INPP4B: variants seen among roughly 807,000 people sequenced by gnomAD.
INPP4B encodes inositol polyphosphate 4-phosphatase type II.
INPP4B carries 55 observed loss-of-function variants against 122.5 expected under a neutral mutation model. The observed-to-expected ratio is 0.45, with a 90% CI of 0.36 to 0.56. INPP4B has a LOEUF of 0.56. INPP4B is among the 20% of genes least tolerant of loss of function. INPP4B has a pLI of 0.00. For synonymous variants in INPP4B, 403 were observed against 388.7 expected (o/e 1.04, Z -0.43); for missense variants, 1,000 against 1,097.7 (o/e 0.91, Z 1.26).
At chr4:142,337,370 C>A (rs1266937428) in intron 7 of INPP4B, among the ~76,000 whole-genome samples, 1 of 151,916 alleles carries the variant, frequency 6.6e-6, no homozygotes, top group Non-Finnish European at 1.5e-5. Context: ...ACATCTATAA[C>A]TGGGCTGGAA....
chr4:142,576,002 G>A (rs986231052), intron 2 of INPP4B, among the ~76,000 whole-genome samples: 3 of 151,956 alleles, frequency 2.0e-5, no homozygotes, highest in Non-Finnish European at 2.9e-5. Context: ...AATACACCAC[G>A]TTGTAGAGTC....
At chr4:142,352,846 G>A (rs2151825835) in intron 7 of INPP4B, among the ~76,000 whole-genome samples, 1 of 151,996 alleles carries the variant, frequency 6.6e-6, no homozygotes, top group Non-Finnish European at 1.5e-5. Flanking sequence ...TGTGTAGGAG[G>A]CAATATCCTA....
At chr4:142,783,084 C>T (rs1297188137) in intron 1 of INPP4B, among the ~76,000 whole-genome samples, 4 of 151,822 alleles carry the variant, frequency 2.6e-5, no homozygotes, top group Non-Finnish European at 5.9e-5. Flanking sequence ...TAGGCATTAC[C>T]ATTCAGGACA....
intron 1 of INPP4B, among the ~76,000 whole-genome samples, chr4:142,740,951 C>A (rs1767808768): frequency 1.3e-5 from 2 of 151,796 alleles, no homozygotes; most frequent in African/African-American, 4.8e-5. Context: ...TTAAATAAAC[C>A]AATAATAAGT....
intron 7 of INPP4B, among the ~76,000 whole-genome samples, chr4:142,392,828 T>C (rs1191515376): frequency 6.6e-6 from 1 of 152,256 alleles, no homozygotes. Flanking sequence ...TTGGGTATTA[T>C]AGCAATTCAG....
At chr4:142,765,793 A>G (rs1407564556) in intron 1 of INPP4B, 2 of 151,768 alleles carry the variant, frequency 1.3e-5, no homozygotes, top group Admixed American at 6.6e-5. Flanking sequence ...CTTATAAGCT[A>G]TAATCCAGCT....
At chr4:142,361,311 A>T (rs923118224) in intron 7 of INPP4B, among the ~76,000 whole-genome samples, 1 of 151,980 alleles carries the variant, frequency 6.6e-6, no homozygotes, top group Admixed American at 6.6e-5. Flanking sequence ...CCCTACTTAT[A>T]TCCCTAATCT....
intron 2 of INPP4B, among the ~76,000 whole-genome samples, chr4:142,597,471 G>A (rs745981123): frequency 7.2e-5 from 11 of 152,200 alleles, no homozygotes; most frequent in Non-Finnish European, 1.2e-4. Context: ...CCTTAGATGA[G>A]TGAAGCCTAC....
intron 1 of INPP4B, among the ~76,000 whole-genome samples, chr4:142,809,021 G>A (rs1346095440): frequency 6.6e-6 from 1 of 151,968 alleles, no homozygotes; most frequent in African/African-American, 2.4e-5. Flanking sequence ...TTGTATATAA[G>A]TCATTAAAAA....
chr4:142,608,196 A>G (rs1371659174), intron 2 of INPP4B, among the ~76,000 whole-genome samples: 4 of 152,166 alleles, frequency 2.6e-5, no homozygotes, highest in Non-Finnish European at 5.9e-5. Context: ...GATTTCCTAA[A>G]AATGAAGGCA....
intron 2 of INPP4B, among the ~76,000 whole-genome samples, chr4:142,522,629 G>A (rs962932431): frequency 6.6e-6 from 1 of 152,012 alleles, no homozygotes; most frequent in African/African-American, 2.4e-5. Context: ...AAGGGAGACG[G>A]TTTACTATAT....
chr4:142,789,577 G>A (rs1776245153), intron 1 of INPP4B, among the ~76,000 whole-genome samples: 1 of 152,052 alleles, frequency 6.6e-6, no homozygotes, highest in Non-Finnish European at 1.5e-5. Context: ...ACTGCTGAAA[G>A]AAATCATAGA....
chr4:142,121,148 C>A (rs1796385191), intron 21 of INPP4B, among the ~76,000 whole-genome samples: 1 of 151,988 alleles, frequency 6.6e-6, no homozygotes, highest in Admixed American at 6.6e-5. Flanking sequence ...TGCGTATGAG[C>A]AATTTTATTC....
intron 18 of INPP4B, among the ~76,000 whole-genome samples, chr4:142,139,337 CTCACTG>C (rs1462492402): frequency 1.3e-5 from 2 of 152,006 alleles, no homozygotes; most frequent in Non-Finnish European, 2.9e-5. Context: ...GAGATAGAGT[CTCACTG>C]TCACCCAGCC....
intron 11 of INPP4B, among the ~76,000 whole-genome samples, chr4:142,250,191 T>C (rs1443990375): frequency 6.6e-6 from 1 of 152,206 alleles, no homozygotes; most frequent in African/African-American, 2.4e-5. Context: ...CCTTCCACCC[T>C]AAATTCACCA....
intron 1 of INPP4B, among the ~76,000 whole-genome samples, chr4:142,806,782 AGAAG>A (rs1554013548): frequency 0.055 from 4,037 of 73,058 alleles, 184 homozygotes; most frequent in South Asian, 0.086. Flanking sequence ...AAAGAAAGAA[AGAAG>A]GAAAGAAAGA....
intron 1 of INPP4B, among the ~76,000 whole-genome samples, chr4:142,779,023 A>C (rs1774368045): frequency 6.6e-6 from 1 of 152,090 alleles, no homozygotes; most frequent in Non-Finnish European, 1.5e-5. Context: ...CCAAATTACC[A>C]GCTTGCATAT....
chr4:142,606,553 G>T (rs777203663), intron 2 of INPP4B, among the ~76,000 whole-genome samples: 51 of 151,634 alleles, frequency 3.4e-4, no homozygotes, highest in Non-Finnish European at 6.0e-4. Flanking sequence ...CAATAAAAGG[G>T]TAAAAAAAGA....
chr4:142,067,736 T>G (rs573999338), intron 25 of INPP4B, among the ~76,000 whole-genome samples: 10 of 151,898 alleles, frequency 6.6e-5, no homozygotes, highest in Non-Finnish European at 1.5e-4. Flanking sequence ...TATCAGTGAT[T>G]GAAGATTAAA....
Sources: allele counts gnomAD v4.1 joint callset (sites outside exome capture counted in the v4.1 genomes callset), GRCh38; gene constraint gnomAD v4.1.1; transcripts MANE v1.5; gene names NCBI Gene and HGNC (gene_info 2026-07-23, HGNC 2026-07-21).